Variants in ASTN2 observed in about 807,000 individuals in gnomAD.
ASTN2 encodes astrotactin-2.
Under a neutral mutation model 139.8 loss-of-function variants are expected in ASTN2, and 54 were observed. That is an observed-to-expected ratio of 0.39 (90% confidence interval 0.31 to 0.48). The LOEUF is 0.48. ASTN2 is among the 20% of genes least tolerant of loss of function. ASTN2 has a pLI of 0.95. For synonymous variants in ASTN2, 756 were observed against 719.5 expected (o/e 1.05, Z -0.81); for missense variants, 1,565 against 1,725.1 (o/e 0.91, Z 1.64).
At chr9:116,816,965 A>G (rs13285982) in intron 12 of ASTN2, among the ~76,000 whole-genome samples, 71,872 of 151,660 alleles carry the variant, frequency 0.47, 17,494 homozygotes, top group Middle Eastern at 0.62. Context: ...AACCCCATGC[A>G]ACATTCAGCC....
intron 1 of ASTN2, among the ~76,000 whole-genome samples, chr9:117,309,952 C>T (rs926053387): frequency 8.5e-5 from 13 of 152,132 alleles, no homozygotes; most frequent in Admixed American, 3.3e-4. Flanking sequence ...TTTCATTTTG[C>T]ACTGGGCCCT....
intron 3 of ASTN2, among the ~76,000 whole-genome samples, chr9:117,166,605 T>A (rs567773957): frequency 7.9e-5 from 12 of 152,202 alleles, no homozygotes; most frequent in African/African-American, 2.4e-4. Context: ...CTCTTTCACT[T>A]CAAATACTTC....
At chr9:116,809,730 C>T (rs1047969468) in intron 12 of ASTN2, among the ~76,000 whole-genome samples, 2 of 152,050 alleles carry the variant, frequency 1.3e-5, no homozygotes, top group Admixed American at 6.6e-5. Context: ...ATACGTTTTG[C>T]GAGTTAACTC....
At chr9:116,490,303 A>AAAAG (rs1564314423) in intron 19 of ASTN2, among the ~76,000 whole-genome samples, 1 of 104,516 alleles carries the variant, frequency 9.6e-6, no homozygotes, top group Admixed American at 1.0e-4. Context: ...AAAAAAAAAA[A>AAAAG]GGGGGCATTG....
chr9:117,221,320 ACTC>A (rs1320896078), intron 2 of ASTN2, among the ~76,000 whole-genome samples: 2 of 152,262 alleles, frequency 1.3e-5, no homozygotes, highest in African/African-American at 4.8e-5. Flanking sequence ...GAAAAGTCAA[ACTC>A]AGTACACTGT....
intron 10 of ASTN2, among the ~76,000 whole-genome samples, chr9:116,961,864 A>G (rs1285262730): frequency 1.3e-5 from 2 of 152,266 alleles, no homozygotes; most frequent in African/African-American, 4.8e-5. Context: ...TAATTGTAAT[A>G]TAATGACAAC....
intron 16 of ASTN2, among the ~76,000 whole-genome samples, chr9:116,662,095 C>T (rs2082820854): frequency 6.6e-6 from 1 of 151,900 alleles, no homozygotes; most frequent in South Asian, 2.1e-4. Flanking sequence ...GCTTCACGTG[C>T]CATGCCTGTG....
chr9:117,134,266 T>TTATATA lies in ASTN2; in HGVS notation c.1168+7054_1168+7059dup, dbSNP rs5900267. On this transcript the variant is annotated intron_variant, in intron 4 of 22. Transcript: ENST00000313400. Reference sequence around the variant, plus strand: ...ATTCATGACCAGTTACTAATGAAAATTATATATATATATATATATATATAT... The same window carrying TTATATA: ...ATTCATGACCAGTTACTAATGAAAATTATATATATATATATATATATATATATATAT... Among the ~76,000 whole-genome samples the TTATATA allele has an allele frequency of 3.2e-3, 295 of 92,378 alleles. 2 individuals are homozygous for TTATATA. The highest frequency in any genetic ancestry group is 7.4e-3 in the African/African-American group (143 of 19,424). 60.6% of individuals were successfully genotyped at this position (92,378 alleles called of 152,430 possible).
intron 10 of ASTN2, among the ~76,000 whole-genome samples, chr9:116,971,782 G>A (rs1203452708): frequency 1.3e-5 from 2 of 152,154 alleles, no homozygotes; most frequent in Admixed American, 6.5e-5. Context: ...AGTTCACCAG[G>A]TAGCAAACTC....
intron 4 of ASTN2, among the ~76,000 whole-genome samples, chr9:117,116,083 G>A (rs11789158): frequency 0.55 from 82,461 of 148,932 alleles, 23,580 homozygotes; most frequent in African/African-American, 0.71. Context: ...ACATTCAGAT[G>A]GAGGAAATGG....
chr9:117,075,522 C>T (rs1328986061), intron 5 of ASTN2, among the ~76,000 whole-genome samples: 1 of 151,616 alleles, frequency 6.6e-6, no homozygotes, highest in Non-Finnish European at 1.5e-5. Context: ...GAGGAGGGGG[C>T]AGGCTGATTG....
At chr9:116,606,106 C>G (rs1396113288) in intron 19 of ASTN2, among the ~76,000 whole-genome samples, 2 of 152,128 alleles carry the variant, frequency 1.3e-5, no homozygotes, top group Non-Finnish European at 2.9e-5. Context: ...CTGATGAGGC[C>G]ATGAGGGAGA....
chr9:116,701,204 C>T (rs1391830839), intron 16 of ASTN2: 4 of 167,058 alleles, frequency 2.4e-5, no homozygotes, highest in Non-Finnish European at 5.9e-5. Flanking sequence ...AACTGAGCTG[C>T]TCAAAATTGT....
intron 17 of ASTN2, among the ~76,000 whole-genome samples, chr9:116,640,379 G>A (rs1393255625): frequency 6.6e-6 from 1 of 152,168 alleles, no homozygotes; most frequent in Non-Finnish European, 1.5e-5. Context: ...ATTAGAAAGT[G>A]TGATAACTGT....
At position 116,465,472 on chromosome 9, in the gene ASTN2, C is replaced by T. The variant is rs10983175; in HGVS notation, c.3497+21887G>A. Among the ~76,000 whole-genome samples the T allele has an allele frequency of 2.0e-3, 312 of 152,252 alleles. 6 individuals carry two copies. In the East Asian group the frequency reaches 0.055, roughly 27 times the overall value. On this transcript the variant is annotated intron_variant, in intron 20 of 22. Transcript: ENST00000313400. Reference sequence around the variant, plus strand: ...GCGTAAGCACAAGATTAGAAGAACACATTATTAAAATATTTATTTTCTTAC... The same window carrying T: ...GCGTAAGCACAAGATTAGAAGAACATATTATTAAAATATTTATTTTCTTAC...
chr9:117,165,256 G>A (rs1164451474), intron 3 of ASTN2, among the ~76,000 whole-genome samples: 1 of 152,128 alleles, frequency 6.6e-6, no homozygotes, highest in Non-Finnish European at 1.5e-5. Context: ...TGCCTTGTAT[G>A]ATTTTAGTTC....
chr9:116,907,174 G>C (rs1202360594), intron 10 of ASTN2, among the ~76,000 whole-genome samples: 1 of 152,196 alleles, frequency 6.6e-6, no homozygotes, highest in Non-Finnish European at 1.5e-5. Flanking sequence ...ACGTGGAGTA[G>C]GACCCACAGT....
At chr9:116,486,641 TA>T (rs1380648637) in intron 20 of ASTN2, among the ~76,000 whole-genome samples, 1 of 152,126 alleles carries the variant, frequency 6.6e-6, no homozygotes, top group African/African-American at 2.4e-5. Context: ...TTGGGGTACA[TA>T]AGGAGAGGTG....
chr9:116,814,046 A>G (rs1831240529), intron 12 of ASTN2, among the ~76,000 whole-genome samples: 1 of 151,834 alleles, frequency 6.6e-6, no homozygotes. Context: ...AAGAAAAAAA[A>G]AAAAAAAAGA....
Sources: gnomAD v4.1 joint callset for allele counts (sites outside exome capture counted in the v4.1 genomes callset) on GRCh38, gnomAD v4.1.1 for gene constraint, MANE v1.5 for transcripts, NCBI Gene and HGNC (gene_info 2026-07-23, HGNC 2026-07-21) for gene names.